Variants in LAMA2 observed in about 807,000 individuals in gnomAD.
LAMA2 encodes the protein laminin subunit alpha-2.
A neutral mutation model predicts 364.8 loss-of-function variants in LAMA2; 269 were observed. The observed-to-expected ratio is 0.74, with a 90% CI of 0.67 to 0.82. LAMA2 has a LOEUF of 0.82. Among genes scored for constraint, LAMA2 ranks in the 40% least tolerant of loss-of-function variants. The probability of loss-of-function intolerance (pLI) is 0.00; values close to 1 mark genes in which losing one functional copy is unlikely to be tolerated. For missense variants in LAMA2, 3,807 were observed against 3,873.2 expected (o/e 0.98, Z 0.45); for synonymous variants, 1,379 against 1,370.6 (o/e 1.01, Z -0.14).
chr6:128,912,040 C>T (rs1778003507), intron 1 of LAMA2, among the ~76,000 whole-genome samples: 2 of 152,098 alleles, frequency 1.3e-5, no homozygotes, highest in Non-Finnish European at 2.9e-5. Flanking sequence ...ATTTTATTGG[C>T]CTGTTGATGA....
intron 3 of LAMA2, among the ~76,000 whole-genome samples, chr6:129,087,938 C>G (rs1464970439): frequency 1.3e-5 from 2 of 148,188 alleles, no homozygotes; most frequent in Non-Finnish European, 3.0e-5. Context: ...GGGTGTTTCT[C>G]ACAGAGGGGG....
At chr6:129,149,152 C>A in intron 7 of LAMA2, 56 bp downstream of exon 7, 1 of 1,121,040 alleles carries the variant, frequency 8.9e-7, no homozygotes, top group Non-Finnish European at 1.4e-6. Flanking sequence ...AGAAAAAAAG[C>A]CAGTAATGAA....
At chr6:129,426,905 C>A (rs1203241550) in intron 40 of LAMA2, among the ~76,000 whole-genome samples, 1 of 152,166 alleles carries the variant, frequency 6.6e-6, no homozygotes, top group East Asian at 1.9e-4. Context: ...ATATCTTCAA[C>A]AGTAAGTATT....
At chr6:129,285,040 A>G (rs958583845) in intron 18 of LAMA2, among the ~76,000 whole-genome samples, 3 of 152,178 alleles carry the variant, frequency 2.0e-5, no homozygotes, top group Admixed American at 6.6e-5. Flanking sequence ...GACATTTCAC[A>G]TTACAATTAT....
At chr6:129,395,328 A>C (rs998703328) in intron 37 of LAMA2, among the ~76,000 whole-genome samples, 8 of 152,222 alleles carry the variant, frequency 5.3e-5, no homozygotes, top group Admixed American at 2.0e-4. Flanking sequence ...ATTTATTTTA[A>C]GGTGGCATGT....
At chr6:129,196,291 T>G (rs563151637) in intron 12 of LAMA2, among the ~76,000 whole-genome samples, 1 of 152,306 alleles carries the variant, frequency 6.6e-6, no homozygotes, top group East Asian at 1.9e-4. Flanking sequence ...GACTTTCCAT[T>G]CTACTTCACG....
Position 129,465,237 on chromosome 6 carries a change from C to T in LAMA2, c.7248C>T (p.Asn2416=). 6.2e-7 allele frequency: 1 copy of T among 1,611,650 alleles called. No homozygotes were observed. The highest frequency in any genetic ancestry group is 8.5e-7 in the Non-Finnish European group (1 of 1,178,396). ...SGMASVVSNQ[N]HNDGKWKSFT... Reference sequence around the variant, plus strand: ...TGGCTTCCGTTGTCAGCAATCAAAACCATAATGATGGGAAATGGAAATCAT... The same window carrying T: ...TGGCTTCCGTTGTCAGCAATCAAAATCATAATGATGGGAAATGGAAATCAT... Residue 2416 remains asparagine (N), a synonymous_variant, in exon 51 of 65, where the codon AAC becomes AAT. Transcript: ENST00000421865.
chr6:128,890,174 T>C (rs899932404), intron 1 of LAMA2, among the ~76,000 whole-genome samples: 6 of 152,294 alleles, frequency 3.9e-5, no homozygotes, highest in South Asian at 2.1e-4. Flanking sequence ...ATGGTTTAGA[T>C]TGGTATAATA....
chr6:129,264,349 G>A (rs1787346453), intron 15 of LAMA2, among the ~76,000 whole-genome samples: 1 of 151,936 alleles, frequency 6.6e-6, no homozygotes, highest in South Asian at 2.1e-4. Context: ...GTTGGTTGTG[G>A]TGTCATTTAC....
In LAMA2 at chr6:129,331,806, G is replaced by A. The variant is rs142863784; in HGVS notation, c.4311+3394G>A. 2.6e-5 allele frequency among the ~76,000 whole-genome samples: 4 copies of A among 152,114 alleles called. No homozygotes were observed. In the East Asian group the frequency reaches 7.7e-4, roughly 29 times the overall value. On this transcript the variant is annotated intron_variant, in intron 29 of 64. Coordinates refer to ENST00000421865, the MANE Select transcript of LAMA2 (RefSeq NM_000426.4). ...ATTCTCCTTTGAATTACTAAAAACA[G>A]GCTATCACCTCCTCTTCTATACTGG... is the stretch of plus-strand genomic sequence containing the variant.
At chr6:129,348,726 C>T (rs1776697592) in intron 30 of LAMA2, among the ~76,000 whole-genome samples, 2 of 152,120 alleles carry the variant, frequency 1.3e-5, no homozygotes, top group South Asian at 4.1e-4. Flanking sequence ...CACACTGAAT[C>T]ACATTACTTT....
At chr6:129,029,054 C>T (rs568418929) in intron 1 of LAMA2, among the ~76,000 whole-genome samples, 4 of 151,700 alleles carry the variant, frequency 2.6e-5, no homozygotes, top group South Asian at 4.2e-4. Context: ...GTTAAATTAA[C>T]AAGTAGTATA....
chr6:129,197,403 A>G (rs1449994881), intron 12 of LAMA2, among the ~76,000 whole-genome samples: 2 of 152,176 alleles, frequency 1.3e-5, no homozygotes, highest in Non-Finnish European at 1.5e-5. Context: ...GCTGACTTCA[A>G]CTGTTCAGGC....
At chr6:129,477,297 C>G (rs530744228) in intron 53 of LAMA2, among the ~76,000 whole-genome samples, 16 of 137,250 alleles carry the variant, frequency 1.2e-4, no homozygotes, top group Non-Finnish European at 2.2e-4. Flanking sequence ...CTGATTTGGA[C>G]AGTGCAGAAA....
intron 1 of LAMA2, among the ~76,000 whole-genome samples, chr6:129,017,057 A>G (rs1384929222): frequency 2.0e-5 from 3 of 151,948 alleles, no homozygotes; most frequent in African/African-American, 4.8e-5. Flanking sequence ...ATCAACAACT[A>G]CATCTAGACT....
intron 42 of LAMA2, 73 bp downstream of exon 42, chr6:129,438,835 T>A: frequency 1.2e-6 from 1 of 817,988 alleles, no homozygotes; most frequent in Non-Finnish European, 2.2e-6. Context: ...CTTTTACCAT[T>A]TTTTTCTAAG....
intron 18 of LAMA2, among the ~76,000 whole-genome samples, chr6:129,281,091 G>C (rs1788685981): frequency 6.6e-6 from 1 of 152,100 alleles, no homozygotes; most frequent in African/African-American, 2.4e-5. Context: ...GCCAATGACA[G>C]TTCCTAGCAG....
At chr6:129,215,506 T>C (rs895243842) in intron 12 of LAMA2, among the ~76,000 whole-genome samples, 2 of 152,188 alleles carry the variant, frequency 1.3e-5, no homozygotes, top group Non-Finnish European at 2.9e-5. Flanking sequence ...TGCAGAGAGA[T>C]ATATATTTCT....
At chr6:129,078,603 A>G (rs972835388) in intron 3 of LAMA2, among the ~76,000 whole-genome samples, 2 of 152,066 alleles carry the variant, frequency 1.3e-5, no homozygotes, top group African/African-American at 4.8e-5. Flanking sequence ...CCATATTATC[A>G]CTTATGGTTA....
Sources: gnomAD v4.1 joint callset for allele counts (sites outside exome capture counted in the v4.1 genomes callset) on GRCh38, gnomAD v4.1.1 for gene constraint, MANE v1.5 for transcripts, NCBI Gene and HGNC (gene_info 2026-07-23, HGNC 2026-07-21) for gene names.